KCTD16: variants seen among roughly 807,000 people sequenced by gnomAD.
The protein encoded by KCTD16 is BTB/POZ domain-containing protein KCTD16.
In KCTD16, 13 loss-of-function variants were observed where a neutral mutation model predicts 33.2. That is an observed-to-expected ratio of 0.39 (90% CI 0.25 to 0.62). The LOEUF is 0.62. Among genes scored for constraint, KCTD16 ranks in the 20% least tolerant of loss-of-function variants. The probability of loss-of-function intolerance (pLI) is 0.50; values close to 1 mark genes in which losing one functional copy is unlikely to be tolerated. For missense variants in KCTD16, 441 were observed against 525.1 expected (o/e 0.84, Z 1.57); for synonymous variants, 197 against 195.3 (o/e 1.01, Z -0.07).
intron 3 of KCTD16, among the ~76,000 whole-genome samples, chr5:144,457,319 C>T (rs759237603): frequency 3.3e-5 from 5 of 152,168 alleles, no homozygotes; most frequent in Non-Finnish European, 5.9e-5. Context: ...AATGCTGTAT[C>T]GCAAGAGAGA....
intron 3 of KCTD16, among the ~76,000 whole-genome samples, chr5:144,410,549 T>C (rs141072307): frequency 2.0e-5 from 3 of 152,268 alleles, no homozygotes; most frequent in African/African-American, 7.2e-5. Context: ...ACGTGCCAAG[T>C]TCCAATAACA....
At chr5:144,272,376 G>T (rs1755321997) in intron 3 of KCTD16, among the ~76,000 whole-genome samples, 2 of 152,118 alleles carry the variant, frequency 1.3e-5, no homozygotes, top group Admixed American at 1.3e-4. Flanking sequence ...ATTACAGTGA[G>T]CTGAGGTTGC....
At chr5:144,281,016 A>G (rs1226926304) in intron 3 of KCTD16, among the ~76,000 whole-genome samples, 1 of 145,608 alleles carries the variant, frequency 6.9e-6, no homozygotes, top group South Asian at 2.1e-4. Flanking sequence ...CGTCTCTACT[A>G]AACAAAATAC....
At position 144,210,896 on chromosome 5, in the gene KCTD16, C is replaced by T. The variant is rs969097001; in HGVS notation, c.832+3350C>T. On this transcript the variant is annotated intron_variant, in intron 3 of 3. Transcript: ENST00000512467. Reference sequence around the variant, plus strand: ...TTTGCCTCTAATAAAGCTGTGATAACGTGACCACACTTAGGGAGGTTAATT... The same window carrying T: ...TTTGCCTCTAATAAAGCTGTGATAATGTGACCACACTTAGGGAGGTTAATT... 2.0e-5 allele frequency among the ~76,000 whole-genome samples: 3 copies of T among 152,106 alleles called. No homozygotes were observed. The South Asian group carries it at 6.2e-4, about 32-fold the overall frequency.
intron 3 of KCTD16, among the ~76,000 whole-genome samples, chr5:144,380,326 G>GA (rs940962168): frequency 6.6e-6 from 1 of 151,916 alleles, no homozygotes; most frequent in African/African-American, 2.4e-5. Flanking sequence ...AAACACCACT[G>GA]AAAAAAACCA....
At chr5:144,284,356 A>C (rs143097634) in intron 3 of KCTD16, among the ~76,000 whole-genome samples, 157 of 152,344 alleles carry the variant, frequency 1.0e-3, no homozygotes, top group African/African-American at 3.7e-3. Context: ...GCTATCCACT[A>C]TGTAGGCAAT....
intron 3 of KCTD16, among the ~76,000 whole-genome samples, chr5:144,332,420 G>A (rs1331664957): frequency 6.6e-6 from 1 of 152,090 alleles, no homozygotes; most frequent in Non-Finnish European, 1.5e-5. Flanking sequence ...TTAGCTACCT[G>A]ATAAATCACC....
chr5:144,474,164 C>T lies in KCTD16; in HGVS notation c.*50C>T, dbSNP rs759649065. ...AAAAAAAAAGTCATTTTGAAATTAA[C>T]CTCCTAAAAGGAATTCATATTTTAA... On this transcript the variant is annotated 3_prime_UTR_variant, in exon 4 of 4. Coordinates refer to ENST00000512467, the MANE Select transcript of KCTD16 (RefSeq NM_020768.4). 7.9e-6 allele frequency: 11 copies of T among 1,395,324 alleles called. No individual in the cohort carries two copies. In the African/African-American group the frequency reaches 1.3e-4, roughly 17 times the overall value. The allele number at this position is 1,395,324 out of a possible 1,614,324, so 86.4% of individuals were successfully genotyped here. A position where few individuals can be genotyped will look rare whatever the true frequency, so the allele number is the denominator to read the frequency against.
At chr5:144,347,317 G>A (rs907668900) in intron 3 of KCTD16, among the ~76,000 whole-genome samples, 8 of 152,204 alleles carry the variant, frequency 5.3e-5, no homozygotes, top group Non-Finnish European at 5.9e-5. Context: ...AAAACCGGCT[G>A]GGCACAGTGG....
At chr5:144,278,719 G>A (rs901470627) in intron 3 of KCTD16, among the ~76,000 whole-genome samples, 1 of 151,582 alleles carries the variant, frequency 6.6e-6, no homozygotes, top group African/African-American at 2.4e-5. Flanking sequence ...GGATGGTCTC[G>A]ATCTCCTGAC....
chr5:144,209,908 GTA>G (rs145389174), intron 3 of KCTD16, among the ~76,000 whole-genome samples: 21 of 142,298 alleles, frequency 1.5e-4, no homozygotes, highest in Admixed American at 2.1e-4. Context: ...GTATATATAT[GTA>G]TATATATATA....
intron 2 of KCTD16, among the ~76,000 whole-genome samples, chr5:144,190,976 G>T (rs1752828973): frequency 6.6e-6 from 1 of 152,196 alleles, no homozygotes. Context: ...TCTGCTGAAG[G>T]TGAGCCTCAC....
At chr5:144,245,386 G>A (rs930024836) in intron 3 of KCTD16, among the ~76,000 whole-genome samples, 2 of 152,162 alleles carry the variant, frequency 1.3e-5, no homozygotes, top group African/African-American at 2.4e-5. Flanking sequence ...TTATGGTTGC[G>A]GTGCGACTTT....
chr5:144,472,135 T>C (rs1224534986), intron 3 of KCTD16, among the ~76,000 whole-genome samples: 2 of 152,198 alleles, frequency 1.3e-5, no homozygotes, highest in Non-Finnish European at 2.9e-5. Context: ...TAAGATATAG[T>C]GTAAATCAAA....
chr5:144,401,685 C>T (rs1272623025), intron 3 of KCTD16, among the ~76,000 whole-genome samples: 4 of 152,156 alleles, frequency 2.6e-5, no homozygotes, highest in Non-Finnish European at 2.9e-5. Flanking sequence ...CCATCTATCC[C>T]ATCTATTCAT....
In KCTD16 at chr5:144,476,998, T is replaced by C. The variant is rs2127004936; in HGVS notation, c.*2884T>C. On this transcript the variant is annotated 3_prime_UTR_variant, in exon 4 of 4. Transcript: ENST00000512467. The stretch of plus-strand genomic sequence containing the variant: ...TACAATGAATGGGGAATCACATGTG[T>C]AGAGCCCCAACTTAGATTGCCTTCT... The C allele has an allele frequency of 6.6e-6, 1 of 152,282 alleles. No homozygotes were observed. The highest frequency in any genetic ancestry group is 1.9e-4 in the East Asian group (1 of 5,172). 9.4% of individuals were successfully genotyped at this position (152,282 alleles called of 1,614,324 possible). A position where few individuals can be genotyped will look rare whatever the true frequency, so the allele number is the denominator to read the frequency against.
At chr5:144,238,672 C>T (rs905204895) in intron 3 of KCTD16, among the ~76,000 whole-genome samples, 7 of 152,090 alleles carry the variant, frequency 4.6e-5, no homozygotes, top group Admixed American at 3.3e-4. Context: ...TAATCTCTTT[C>T]ACAGCTGTGT....
At chr5:144,253,657 G>T (rs1754763897) in intron 3 of KCTD16, among the ~76,000 whole-genome samples, 1 of 152,096 alleles carries the variant, frequency 6.6e-6, no homozygotes, top group Admixed American at 6.6e-5. Context: ...ACCGTTTTGG[G>T]CACCTTTCTG....
chr5:144,448,616 T>C (rs1753874181), intron 3 of KCTD16, among the ~76,000 whole-genome samples: 1 of 152,112 alleles, frequency 6.6e-6, no homozygotes, highest in Non-Finnish European at 1.5e-5. Flanking sequence ...TTATCAGCAG[T>C]TGCATTAAAA....
Sources: gnomAD v4.1 joint callset for allele counts (sites outside exome capture counted in the v4.1 genomes callset) on GRCh38, gnomAD v4.1.1 for gene constraint, MANE v1.5 for transcripts, NCBI Gene and HGNC (gene_info 2026-07-23, HGNC 2026-07-21) for gene names.